The following DIXDC1 variants were observed in gnomAD, a reference collection of about 807,000 sequenced individuals.
The protein encoded by DIXDC1 is DIX domain containing 1.
DIXDC1 carries 64 observed loss-of-function variants against 103.1 expected under a neutral mutation model. That is an observed-to-expected ratio of 0.62 (90% CI 0.51 to 0.76). The LOEUF is 0.76. DIXDC1 is among the 30% of genes least tolerant of loss of function. The pLI, the probability that DIXDC1 is intolerant of heterozygous loss-of-function variation, is 0.00. For missense variants in DIXDC1, 759 were observed against 834.2 expected (o/e 0.91, Z 1.11); for synonymous variants, 266 against 298.5 (o/e 0.89, Z 1.12).
chr11:111,996,181 G>T (rs368506662), intron 17 of DIXDC1, 35 bp downstream of exon 17: 87 of 1,573,238 alleles, frequency 5.5e-5, no homozygotes, highest in Non-Finnish European at 7.4e-5. Context: ...GGGACTCCTA[G>T]CATATTAGAC....
At chr11:111,949,634 C>CT (rs1173166374) in intron 1 of DIXDC1, among the ~76,000 whole-genome samples, 2 of 152,254 alleles carry the variant, frequency 1.3e-5, no homozygotes, top group Admixed American at 6.5e-5. Context: ...CAACTTCACA[C>CT]TTCCTGTTGA....
chr11:111,977,740 GGCTTGCTGA>G lies in DIXDC1; in HGVS notation c.656+2758_656+2766del. 6.4e-7 allele frequency: 1 copy of G among 1,560,128 alleles called. No homozygotes were observed. Among genetic ancestry groups the G allele is most frequent in the Non-Finnish European group, 8.7e-7 (1 of 1,152,166 alleles). On this transcript the variant is annotated intron_variant, in intron 5 of 19. Transcript: ENST00000440460. This position sits in a 1 kb window ranked among gnomAD's most constrained non-coding sequence, Gnocchi z 6.1. ...GCCTCCCACTTCACCCGGGGACGCA[GGCTTGCTGA>G]AGCCCGAGACAGGAGGGGGACCATG...
chr11:111,936,575 G>T (rs1465363219), upstream of DIXDC1, among the ~76,000 whole-genome samples: 1 of 152,160 alleles, frequency 6.6e-6, no homozygotes, highest in African/African-American at 2.4e-5. Flanking sequence ...TTTCTGTTGC[G>T]ATCCTGCGTG....
chr11:111,928,718 C>T (rs906263631), intron 1 of DIXDC1, among the ~76,000 whole-genome samples: 17 of 151,202 alleles, frequency 1.1e-4, no homozygotes, highest in Admixed American at 1.1e-3. Context: ...GCTGAGATTG[C>T]GCCACTGCAC....
intron 2 of DIXDC1, among the ~76,000 whole-genome samples, chr11:111,966,225 T>C (rs1859723174): frequency 8.9e-6 from 1 of 112,380 alleles, no homozygotes; most frequent in African/African-American, 5.0e-5. Flanking sequence ...TTTTTTTTTT[T>C]TCCTTTTTTT....
chr11:111,943,166 T>C (rs1238667028), intron 1 of DIXDC1, among the ~76,000 whole-genome samples: 1 of 152,230 alleles, frequency 6.6e-6, no homozygotes, highest in Admixed American at 6.5e-5. Context: ...AGACAGTGTC[T>C]CACTCTGTCA....
intron 4 of DIXDC1, 150 bp downstream of exon 4, chr11:111,974,404 A>G: frequency 2.9e-6 from 2 of 685,620 alleles, no homozygotes; most frequent in East Asian, 2.8e-5. Context: ...GGGCACTCTC[A>G]AAAGAGAAAA....
intron 1 of DIXDC1, among the ~76,000 whole-genome samples, chr11:111,962,666 T>C (rs1859620345): frequency 6.6e-6 from 1 of 152,132 alleles, no homozygotes; most frequent in Non-Finnish European, 1.5e-5. Context: ...ATTTTATCTT[T>C]GAGGATAATT....
chr11:111,982,631 C>A, intron 7 of DIXDC1, 144 bp downstream of exon 7: 2 of 865,358 alleles, frequency 2.3e-6, no homozygotes, highest in East Asian at 2.7e-5. Context: ...ACAGAAAGAG[C>A]AGAAAATTCC....
At chr11:111,934,907 T>C (rs2137428245), upstream of DIXDC1, among the ~76,000 whole-genome samples, 1 of 152,306 alleles carries the variant, frequency 6.6e-6, no homozygotes, top group African/African-American at 2.4e-5. Context: ...TAAATCAAAA[T>C]TAGATGCCAT....
intron 1 of DIXDC1, among the ~76,000 whole-genome samples, chr11:111,939,785 T>G (rs1966357430): frequency 6.6e-6 from 1 of 152,236 alleles, no homozygotes; most frequent in East Asian, 1.9e-4. Flanking sequence ...ATTTGACCTA[T>G]TCCAGCCTCC....
rs782019768 is a variant in DIXDC1, at chr11:111,995,521, A to G, written c.1646A>G (p.Glu549Gly). 21 of 1,614,008 alleles carry G rather than the reference A, an allele frequency of 1.3e-5. No individual in the cohort carries two copies. The South Asian group carries it at 2.2e-4, about 17-fold the overall frequency. Residue 549 changes from glutamate to glycine, a missense_variant, in exon 16 of 20, where the codon GAG becomes GGG. By Grantham distance (98) the Glu-to-Gly change is moderately conservative (BLOSUM62 -2). Around this residue, in one of 3 missense-constraint regions of DIXDC1, gnomAD observed 657 missense variants for 727.5 expected, o/e 0.90. Transcript: ENST00000440460. ...GAGCAGGGCATTTCTAGCCTCATGGAGCGCCTGCATGTTATGGAGACGCAG... is the reference window on the plus strand; with the variant it reads ...GAGCAGGGCATTTCTAGCCTCATGGGGCGCCTGCATGTTATGGAGACGCAG... ...SLEQGISSLMERLHVMETQKK... is the reference protein window; with the variant it reads ...SLEQGISSLMGRLHVMETQKK...
At chr11:111,968,173 A>G (rs1255410138) in intron 2 of DIXDC1, among the ~76,000 whole-genome samples, 3 of 152,236 alleles carry the variant, frequency 2.0e-5, no homozygotes, top group Admixed American at 6.5e-5. Flanking sequence ...TATAAATTCT[A>G]TGAAGGGAGG....
intron 10 of DIXDC1, among the ~76,000 whole-genome samples, chr11:111,990,110 A>G (rs1860653326): frequency 8.2e-6 from 1 of 121,888 alleles, no homozygotes; most frequent in African/African-American, 3.2e-5. Context: ...TTTAATGTTG[A>G]CATGGAGTCT....
chr11:111,943,440 G>A (rs1400820455), intron 1 of DIXDC1, among the ~76,000 whole-genome samples: 8 of 151,454 alleles, frequency 5.3e-5, no homozygotes, highest in East Asian at 1.9e-4. Context: ...CACCGCGCCC[G>A]GCTACGATTT....
intron 17 of DIXDC1, among the ~76,000 whole-genome samples, chr11:112,004,379 T>C (rs1861169598): frequency 6.6e-6 from 1 of 152,044 alleles, no homozygotes; most frequent in Non-Finnish European, 1.5e-5. Flanking sequence ...GTAAATCCTG[T>C]TGACCCCTCC....
intron 17 of DIXDC1, among the ~76,000 whole-genome samples, chr11:112,009,280 A>G (rs1421921069): frequency 2.6e-5 from 4 of 152,216 alleles, no homozygotes; most frequent in Non-Finnish European, 5.9e-5. Flanking sequence ...CTCTGAATAG[A>G]CCAATAACAG....
At chr11:111,966,860 G>A (rs1049188520) in intron 2 of DIXDC1, among the ~76,000 whole-genome samples, 3 of 152,094 alleles carry the variant, frequency 2.0e-5, no homozygotes, top group East Asian at 3.8e-4. Context: ...CACTGAAACC[G>A]CCTTCCTCAA....
At chr11:112,009,645 C>T (rs371446412) in intron 17 of DIXDC1, among the ~76,000 whole-genome samples, 1 of 152,304 alleles carries the variant, frequency 6.6e-6, no homozygotes, top group East Asian at 1.9e-4. Flanking sequence ...GGATGCAAGG[C>T]TGGTTCAACA....
Sources: allele counts gnomAD v4.1 joint callset (sites outside exome capture counted in the v4.1 genomes callset), GRCh38; gene constraint gnomAD v4.1.1; regional missense constraint gnomAD v4.1.1; non-coding constraint Gnocchi (gnomAD v3.1); transcripts MANE v1.5; gene names NCBI Gene and HGNC (gene_info 2026-07-23, HGNC 2026-07-21).